Variants in TECPR2 observed in about 807,000 individuals in gnomAD.
The protein encoded by TECPR2 is tectonin beta-propeller repeat containing 2, also known as tectonin beta-propeller repeat-containing protein 2.
Under a neutral mutation model 138.1 loss-of-function variants are expected in TECPR2, and 65 were observed. That is an observed-to-expected ratio of 0.47 (90% CI 0.39 to 0.58). The LOEUF is 0.58. Among genes scored for constraint, TECPR2 ranks in the 20% least tolerant of loss-of-function variants. The probability of loss-of-function intolerance (pLI) is 0.00; values close to 1 mark genes in which losing one functional copy is unlikely to be tolerated. For synonymous variants in TECPR2, 746 were observed against 749.8 expected (o/e 0.99, Z 0.08); for missense variants, 1,553 against 1,824.5 (o/e 0.85, Z 2.71).
rs139815562 is a variant in TECPR2, at chr14:102,384,085, A to G, written c.219+7145A>G. Among the ~76,000 whole-genome samples, 288 of 150,730 alleles carry G rather than the reference A, an allele frequency of 1.9e-3. 2 individuals carry two copies. The highest frequency in any genetic ancestry group is 6.3e-3 in the African/African-American group (258 of 41,038). The stretch of plus-strand genomic sequence containing the variant: ...CAGGCATGTGCCACCCCATCTGGCT[A>G]ATTTTGTATTTTTAGTAGAGACAGG... On this transcript the variant is annotated intron_variant, in intron 2 of 19. Coordinates refer to ENST00000359520, the MANE Select transcript of TECPR2 (RefSeq NM_014844.5).
intron 7 of TECPR2, among the ~76,000 whole-genome samples, chr14:102,428,829 T>A (rs1180516059): frequency 1.3e-5 from 2 of 152,060 alleles, no homozygotes. Context: ...CTTGGAGGAT[T>A]TGGAGGGTTT....
At chr14:102,408,667 G>T (rs1442858776) in intron 4 of TECPR2, 48 bp downstream of exon 4, 7 of 1,534,014 alleles carry the variant, frequency 4.6e-6, no homozygotes, top group Non-Finnish European at 6.1e-6. Context: ...TCTTACATTT[G>T]GAAAAACTAT....
At chr14:102,467,921 C>G (rs979159822) in intron 17 of TECPR2, among the ~76,000 whole-genome samples, 1 of 151,468 alleles carries the variant, frequency 6.6e-6, no homozygotes, top group Non-Finnish European at 1.5e-5. Flanking sequence ...ACTGCAATCT[C>G]TGCCTCCTGG....
At chr14:102,453,331 T>A (rs1307151392) in intron 16 of TECPR2, among the ~76,000 whole-genome samples, 1 of 150,662 alleles carries the variant, frequency 6.6e-6, no homozygotes, top group Non-Finnish European at 1.5e-5. Flanking sequence ...CAAAAAAAAA[T>A]TAGGTGGGCG....
intron 2 of TECPR2, among the ~76,000 whole-genome samples, chr14:102,392,466 C>T (rs1430054719): frequency 6.6e-6 from 1 of 152,152 alleles, no homozygotes; most frequent in African/African-American, 2.4e-5. Context: ...CTGTTCATTC[C>T]ACCCAGTGAC....
At chr14:102,368,841 C>T (rs1224068356) in intron 1 of TECPR2, among the ~76,000 whole-genome samples, 1 of 152,082 alleles carries the variant, frequency 6.6e-6, no homozygotes, top group African/African-American at 2.4e-5. Flanking sequence ...GAGGAGGCGC[C>T]AGGCTTGAGG....
At chr14:102,391,004 A>G (rs1234270256) in intron 2 of TECPR2, among the ~76,000 whole-genome samples, 1 of 152,158 alleles carries the variant, frequency 6.6e-6, no homozygotes, top group East Asian at 1.9e-4. Context: ...AGAGGGCCAG[A>G]CCCTACATGT....
Position 102,421,002 on chromosome 14 carries a change from A to G in TECPR2, c.639-3977A>G, listed in dbSNP as rs971223032. Among the ~76,000 whole-genome samples the G allele has an allele frequency of 3.9e-5, 6 of 152,304 alleles. 1 individual carries two copies. Among genetic ancestry groups the G allele is most frequent in the African/African-American group, 1.4e-4 (6 of 41,574 alleles). On this transcript the variant is annotated intron_variant, in intron 5 of 19. Coordinates refer to ENST00000359520, the MANE Select transcript of TECPR2 (RefSeq NM_014844.5). ...CACAGTGTTATGAGACAGGCTGAGG[A>G]CCTCATCTTATTTATTTTTTATTTT...
At chr14:102,411,349 C>A (rs868295517) in intron 4 of TECPR2, among the ~76,000 whole-genome samples, 10,973 of 144,742 alleles carry the variant, frequency 0.076, 3 homozygotes, top group African/African-American at 0.11. Context: ...CGTACGTATA[C>A]GCCCAGATGG....
chr14:102,412,326 C>T (rs1488610819), intron 4 of TECPR2, among the ~76,000 whole-genome samples: 1 of 151,976 alleles, frequency 6.6e-6, no homozygotes, highest in Non-Finnish European at 1.5e-5. Flanking sequence ...AGAGACAGGG[C>T]TTCGCCATGT....
At chr14:102,435,951 T>C (rs1431516985) in intron 9 of TECPR2, among the ~76,000 whole-genome samples, 1 of 152,254 alleles carries the variant, frequency 6.6e-6, no homozygotes, top group Non-Finnish European at 1.5e-5. Flanking sequence ...GTATGAATTA[T>C]GGCTGCGCAC....
At chr14:102,393,760 A>G (rs1888242931) in intron 2 of TECPR2, among the ~76,000 whole-genome samples, 1 of 152,100 alleles carries the variant, frequency 6.6e-6, no homozygotes, top group Non-Finnish European at 1.5e-5. Flanking sequence ...GGGTTTCTCC[A>G]TGTGGGCCAG....
At chr14:102,461,902 A>G (rs1041467924) in intron 16 of TECPR2, among the ~76,000 whole-genome samples, 2 of 152,232 alleles carry the variant, frequency 1.3e-5, no homozygotes, top group Non-Finnish European at 2.9e-5. Flanking sequence ...TCCATGGAAC[A>G]GGTTCACAAA....
intron 2 of TECPR2, 73 bp downstream of exon 2, chr14:102,377,013 A>G: frequency 2.0e-6 from 3 of 1,479,420 alleles, no homozygotes; most frequent in Non-Finnish European, 2.8e-6. Flanking sequence ...GTGTTCTAGG[A>G]TGAGATAATT....
chr14:102,449,702 T>G lies in TECPR2; in HGVS notation c.3149T>G (p.Val1050Gly). Residue 1050 changes from valine (V) to glycine (G), a missense_variant, in exon 14 of 20, where the codon GTG becomes GGG. Transcript: ENST00000359520. ...FQTIIHATHS[V>G]ATAAQAPVEK... ...ACGATAATCCATGCCACTCACTCGG[T>G]GGCCACAGCAGCCCAAGCCCCCGTA... 1 of 1,614,176 alleles carries G rather than the reference T, an allele frequency of 6.2e-7. No individual in the cohort carries two copies. Among genetic ancestry groups the G allele is most frequent in the Non-Finnish European group, 8.5e-7 (1 of 1,180,040 alleles).
chr14:102,377,390 G>T (rs933742757), intron 2 of TECPR2, among the ~76,000 whole-genome samples: 15 of 152,070 alleles, frequency 9.9e-5, no homozygotes, highest in Non-Finnish European at 2.2e-4. Context: ...GAACTCCTCG[G>T]CTCAAGCAGT....
intron 16 of TECPR2, among the ~76,000 whole-genome samples, chr14:102,459,041 T>C (rs1392959290): frequency 2.0e-5 from 3 of 150,904 alleles, no homozygotes; most frequent in Non-Finnish European, 4.4e-5. Flanking sequence ...ACACACGGAG[T>C]GTGTAGGGAC....
At chr14:102,474,658 G>C (rs1890719259) in intron 17 of TECPR2, among the ~76,000 whole-genome samples, 1 of 152,180 alleles carries the variant, frequency 6.6e-6, no homozygotes, top group Non-Finnish European at 1.5e-5. Flanking sequence ...GGGATTATAA[G>C]TGATTAAAAT....
chr14:102,406,270 T>C (rs751566014), intron 2 of TECPR2, among the ~76,000 whole-genome samples: 14 of 152,040 alleles, frequency 9.2e-5, no homozygotes, highest in Non-Finnish European at 1.6e-4. Context: ...GGATGAGGGC[T>C]GGGCATGGTG....
Sources: gnomAD v4.1 joint callset for allele counts (sites outside exome capture counted in the v4.1 genomes callset) on GRCh38, gnomAD v4.1.1 for gene constraint, MANE v1.5 for transcripts, NCBI Gene and HGNC (gene_info 2026-07-23, HGNC 2026-07-21) for gene names.